Variants in SLC4A4 observed in about 807,000 individuals in gnomAD.
SLC4A4 encodes the protein electrogenic sodium bicarbonate cotransporter 1.
In SLC4A4, 27 loss-of-function variants were observed where a neutral mutation model predicts 111.5. That is an observed-to-expected ratio of 0.24 (90% CI 0.18 to 0.33). The LOEUF (loss-of-function observed/expected upper bound fraction) is 0.33. Ranked by LOEUF, SLC4A4 falls within the 10% of genes least tolerant of loss-of-function variation. The pLI is 1.00. For missense variants in SLC4A4, 909 were observed against 1,315.5 expected (o/e 0.69, Z 4.78); for synonymous variants, 443 against 463.4 (o/e 0.96, Z 0.57).
chr4:71,101,487 T>A (rs1481559963), intron 2 of SLC4A4, among the ~76,000 whole-genome samples: 1 of 152,186 alleles, frequency 6.6e-6, no homozygotes, highest in African/African-American at 2.4e-5. Flanking sequence ...CCTCCAGAAC[T>A]CTTTTCATCT....
chr4:71,445,572 T>C (rs1725150222), intron 8 of SLC4A4, among the ~76,000 whole-genome samples: 1 of 152,158 alleles, frequency 6.6e-6, no homozygotes, highest in African/African-American at 2.4e-5. Flanking sequence ...AAATCTATTA[T>C]TTAAAAATGT....
intron 2 of SLC4A4, among the ~76,000 whole-genome samples, chr4:71,167,015 T>C (rs1744795014): frequency 6.6e-6 from 1 of 152,140 alleles, no homozygotes; most frequent in South Asian, 2.1e-4. Context: ...ATAAGCATTT[T>C]ATTATGTTCA....
intron 3 of SLC4A4, among the ~76,000 whole-genome samples, chr4:71,304,375 T>C (rs947780635): frequency 8.5e-5 from 13 of 152,174 alleles, no homozygotes; most frequent in African/African-American, 3.1e-4. Context: ...CCAGGAGTGC[T>C]GATGTCTGAG....
At chr4:71,102,055 C>G (rs1012926386) in intron 2 of SLC4A4, among the ~76,000 whole-genome samples, 1 of 151,470 alleles carries the variant, frequency 6.6e-6, no homozygotes, top group African/African-American at 2.4e-5. Context: ...ACTAGAATAA[C>G]CAATACAGAG....
intron 2 of SLC4A4, among the ~76,000 whole-genome samples, chr4:71,097,809 C>T (rs77090810): frequency 0.022 from 3,311 of 152,120 alleles, 48 homozygotes; most frequent in Middle Eastern, 0.041. Flanking sequence ...GGATTGTTGG[C>T]GACATGCATG....
chr4:71,519,693 G>A (rs1269045262), intron 16 of SLC4A4, among the ~76,000 whole-genome samples: 1 of 152,120 alleles, frequency 6.6e-6, no homozygotes, highest in African/African-American at 2.4e-5. Context: ...GGAGTGCAGT[G>A]GCATGACCTT....
chr4:71,554,686 A>G (rs2149246300), intron 20 of SLC4A4, among the ~76,000 whole-genome samples: 1 of 151,844 alleles, frequency 6.6e-6, no homozygotes, highest in South Asian at 2.1e-4. Context: ...CTGATAGACT[A>G]TTTGGCAAAA....
At chr4:71,244,156 A>AT (rs1215044166) in intron 2 of SLC4A4, among the ~76,000 whole-genome samples, 1 of 152,186 alleles carries the variant, frequency 6.6e-6, no homozygotes, top group East Asian at 1.9e-4. Flanking sequence ...AATCTAATGG[A>AT]TACGTGTGTT....
intron 7 of SLC4A4, among the ~76,000 whole-genome samples, chr4:71,438,179 G>A (rs1434925898): frequency 6.6e-6 from 1 of 152,208 alleles, no homozygotes; most frequent in Non-Finnish European, 1.5e-5. Flanking sequence ...AAGGCCAAAA[G>A]TAATTTTAGC....
chr4:71,542,727 A>C (rs915586193), intron 18 of SLC4A4, among the ~76,000 whole-genome samples: 1 of 151,996 alleles, frequency 6.6e-6, no homozygotes, highest in African/African-American at 2.4e-5. Flanking sequence ...CTTTCTTAGC[A>C]CCCTGAATTC....
intron 16 of SLC4A4, among the ~76,000 whole-genome samples, chr4:71,513,005 C>A (rs969685783): frequency 3.3e-5 from 5 of 152,122 alleles, no homozygotes; most frequent in African/African-American, 9.7e-5. Flanking sequence ...ATTTTTATAG[C>A]AATACTATGC....
At chr4:71,137,375 T>C (rs998890013) in intron 2 of SLC4A4, among the ~76,000 whole-genome samples, 1 of 152,224 alleles carries the variant, frequency 6.6e-6, no homozygotes, top group Non-Finnish European at 1.5e-5. Flanking sequence ...TAGACATCAG[T>C]CTGCCCAGCA....
intron 2 of SLC4A4, among the ~76,000 whole-genome samples, chr4:71,152,930 TCA>T (rs1744347577): frequency 6.7e-6 from 1 of 149,986 alleles, no homozygotes; most frequent in Admixed American, 6.7e-5. Flanking sequence ...CTGGTATATA[TCA>T]CATATATATA....
rs143013810 is a variant in SLC4A4, at chr4:71,439,320, C to T, written c.808-1296C>T. 9.1e-3 allele frequency among the ~76,000 whole-genome samples: 1,369 copies of T among 151,184 alleles called. 24 individuals carry two copies. Among genetic ancestry groups the T allele is most frequent in the African/African-American group, 0.032 (1,319 of 41,184 alleles). The stretch of plus-strand genomic sequence containing the variant: ...ATGTGCACCTGTAGTCCCAGCTACT[C>T]AGGAGGCTGAGGCAGAAGAATCACT... On this transcript the variant is annotated intron_variant, in intron 7 of 25. Coordinates refer to ENST00000264485, the MANE Select transcript of SLC4A4 (RefSeq NM_001098484.3).
chr4:71,077,286 G>A (rs963429624), intron 1 of SLC4A4, among the ~76,000 whole-genome samples: 1 of 151,432 alleles, frequency 6.6e-6, no homozygotes, highest in Non-Finnish European at 1.5e-5. Flanking sequence ...TCAGCCTCCC[G>A]AGTAGCTGGG....
At chr4:71,230,404 C>T (rs141634827) in intron 1 of SLC4A4, among the ~76,000 whole-genome samples, 14 of 152,286 alleles carry the variant, frequency 9.2e-5, no homozygotes, top group African/African-American at 3.1e-4. Flanking sequence ...TGGTCACTCC[C>T]CTGTGTGCGT....
intron 7 of SLC4A4, among the ~76,000 whole-genome samples, chr4:71,404,488 T>C (rs1396332689): frequency 6.6e-6 from 1 of 152,204 alleles, no homozygotes; most frequent in Admixed American, 6.6e-5. Flanking sequence ...CTGGCATGTT[T>C]TACATTTGAT....
chr4:71,442,786 C>G (rs1038540215), intron 8 of SLC4A4, among the ~76,000 whole-genome samples: 1 of 152,036 alleles, frequency 6.6e-6, no homozygotes, highest in Non-Finnish European at 1.5e-5. Flanking sequence ...AACAGTATTA[C>G]TACCATGCAC....
intron 2 of SLC4A4, among the ~76,000 whole-genome samples, chr4:71,151,552 G>A (rs1313320934): frequency 6.6e-6 from 1 of 151,620 alleles, no homozygotes; most frequent in Non-Finnish European, 1.5e-5. Context: ...TCTTTCCTCT[G>A]TTTATTCTTT....
Sources: allele counts gnomAD v4.1 joint callset (sites outside exome capture counted in the v4.1 genomes callset), GRCh38; gene constraint gnomAD v4.1.1; transcripts MANE v1.5; gene names NCBI Gene and HGNC (gene_info 2026-07-23, HGNC 2026-07-21).